Variants in PRKG1 observed in about 807,000 individuals in gnomAD.
The protein encoded by PRKG1 is protein kinase cGMP-dependent 1, also known as cGMP-dependent protein kinase 1.
PRKG1 carries 35 observed loss-of-function variants against 88.1 expected under a neutral mutation model. The ratio of observed to expected loss-of-function variants is 0.40; its 90% CI spans 0.30 to 0.53. The LOEUF is 0.53. Among genes scored for constraint, PRKG1 ranks in the 20% least tolerant of loss-of-function variants. PRKG1 has a pLI of 0.59. For synonymous variants in PRKG1, 303 were observed against 292.5 expected (o/e 1.04, Z -0.37); for missense variants, 540 against 839.8 (o/e 0.64, Z 4.41).
intron 3 of PRKG1, among the ~76,000 whole-genome samples, chr10:51,505,185 T>C (rs1248178773): frequency 2.0e-5 from 3 of 152,166 alleles, no homozygotes. Flanking sequence ...GCATGAAGGG[T>C]TGTTGAATTT....
chr10:51,888,413 C>T (rs1841627702), intron 4 of PRKG1, among the ~76,000 whole-genome samples: 1 of 152,206 alleles, frequency 6.6e-6, no homozygotes, highest in Non-Finnish European at 1.5e-5. Context: ...TCATACTGTA[C>T]TGTGACACAT....
intron 5 of PRKG1, among the ~76,000 whole-genome samples, chr10:51,970,689 A>G (rs1459047020): frequency 6.8e-6 from 1 of 146,408 alleles, no homozygotes; most frequent in Middle Eastern, 3.3e-3. Context: ...ATCATCTGAT[A>G]TATATATCAG....
chr10:51,271,206 G>C (rs988356854), intron 2 of PRKG1, among the ~76,000 whole-genome samples: 2 of 151,918 alleles, frequency 1.3e-5, no homozygotes, highest in South Asian at 4.1e-4. Flanking sequence ...TGGTTGGGGG[G>C]GAGTAAAAAA....
At chr10:51,701,142 T>G (rs945573794) in intron 3 of PRKG1, among the ~76,000 whole-genome samples, 2 of 152,242 alleles carry the variant, frequency 1.3e-5, no homozygotes, top group African/African-American at 4.8e-5. Context: ...TTTACTTTTT[T>G]AAATGTGGCT....
chr10:51,104,660 C>CA (rs1301857062), intron 1 of PRKG1, among the ~76,000 whole-genome samples: 3 of 151,864 alleles, frequency 2.0e-5, no homozygotes, highest in Non-Finnish European at 4.4e-5. Context: ...GCTGTGATTA[C>CA]AGGGGGCGCT....
At chr10:51,214,761 A>G (rs1838326437) in intron 2 of PRKG1, among the ~76,000 whole-genome samples, 2 of 152,226 alleles carry the variant, frequency 1.3e-5, no homozygotes, top group South Asian at 4.2e-4. Flanking sequence ...ACAGGTTTGA[A>G]CCACCACAAT....
chr10:51,083,096 T>C (rs1461618494), intron 1 of PRKG1, among the ~76,000 whole-genome samples: 1 of 152,182 alleles, frequency 6.6e-6, no homozygotes, highest in Non-Finnish European at 1.5e-5. Context: ...GCAACCCAAG[T>C]CCCTGGCTTG....
At chr10:51,425,838 T>C (rs774673952) in intron 2 of PRKG1, among the ~76,000 whole-genome samples, 2 of 152,228 alleles carry the variant, frequency 1.3e-5, no homozygotes, top group Non-Finnish European at 2.9e-5. Flanking sequence ...CTTCCAGCCA[T>C]ACATATGTCA....
intron 3 of PRKG1, among the ~76,000 whole-genome samples, chr10:51,474,107 A>G (rs1024092719): frequency 2.0e-5 from 3 of 151,982 alleles, no homozygotes; most frequent in Non-Finnish European, 4.4e-5. Flanking sequence ...GACTGTGAAC[A>G]ACACATGAGG....
chr10:51,750,565 C>T (rs1002344088), intron 3 of PRKG1, among the ~76,000 whole-genome samples: 1 of 152,260 alleles, frequency 6.6e-6, no homozygotes, highest in Non-Finnish European at 1.5e-5. Flanking sequence ...TGCTATTAGG[C>T]GTTTACTGTT....
At chr10:51,134,900 A>G (rs1845653151) in intron 1 of PRKG1, among the ~76,000 whole-genome samples, 2 of 152,202 alleles carry the variant, frequency 1.3e-5, no homozygotes, top group Non-Finnish European at 2.9e-5. Flanking sequence ...AAACCAGTGT[A>G]TATACAGCCC....
At chr10:51,723,723 T>C (rs1337595640) in intron 3 of PRKG1, among the ~76,000 whole-genome samples, 2 of 152,078 alleles carry the variant, frequency 1.3e-5, no homozygotes, top group African/African-American at 4.8e-5. Context: ...ATATTTAACA[T>C]AAAAAATCCT....
At chr10:51,143,586 A>G (rs1845873240) in intron 1 of PRKG1, among the ~76,000 whole-genome samples, 1 of 152,050 alleles carries the variant, frequency 6.6e-6, no homozygotes, top group Non-Finnish European at 1.5e-5. Context: ...TTATATTCTC[A>G]CCAACAGTGT....
chr10:51,392,115 A>G (rs1837418497), intron 2 of PRKG1, among the ~76,000 whole-genome samples: 1 of 152,076 alleles, frequency 6.6e-6, no homozygotes, highest in South Asian at 2.1e-4. Flanking sequence ...GGTTCTATGA[A>G]CAGAATTTTT....
chr10:51,390,857 C>T lies in PRKG1; in HGVS notation c.479-76866C>T, dbSNP rs1326800966. Among the ~76,000 whole-genome samples, 3 of 149,816 alleles carry T rather than the reference C, an allele frequency of 2.0e-5. 1 individual carries two copies. In the East Asian group the frequency reaches 5.8e-4, roughly 29 times the overall value. On this transcript the variant is annotated intron_variant, in intron 2 of 17. Transcript: ENST00000373980. ...ATTACTGTTACCTACAGGGTAGAGG[C>T]CATGGATGGTGCTAAACATCCAACA...
In PRKG1 at chr10:51,365,914, C is replaced by T. The variant is rs971070; in HGVS notation, c.479-101809C>T. Among the ~76,000 whole-genome samples, 2,952 of 149,752 alleles carry T rather than the reference C, an allele frequency of 0.02. 184 individuals are homozygous for T. The East Asian group carries it at 0.23, about 11-fold the overall frequency. On this transcript the variant is annotated intron_variant, in intron 2 of 17. Transcript: ENST00000373980. ...CTTTTTTTTCCTCTCCATCACTATACGAAAAAAAAAATTGCTGTGTAAAAG... is the reference window on the plus strand; with the variant it reads ...CTTTTTTTTCCTCTCCATCACTATATGAAAAAAAAAATTGCTGTGTAAAAG...
intron 2 of PRKG1, among the ~76,000 whole-genome samples, chr10:51,322,108 A>G (rs1385226388): frequency 2.0e-5 from 3 of 152,102 alleles, no homozygotes; most frequent in African/African-American, 4.8e-5. Context: ...GGATTGTGCA[A>G]TTTCCACCTT....
At chr10:51,831,545 CA>C (rs1564665666) in intron 4 of PRKG1, among the ~76,000 whole-genome samples, 4 of 152,252 alleles carry the variant, frequency 2.6e-5, no homozygotes, top group Non-Finnish European at 5.9e-5. Flanking sequence ...GGTAGAAAGA[CA>C]ACCCAGACCT....
chr10:52,055,628 A>G (rs1264438415), intron 6 of PRKG1, among the ~76,000 whole-genome samples: 1 of 152,180 alleles, frequency 6.6e-6, no homozygotes, highest in Non-Finnish European at 1.5e-5. Flanking sequence ...TTGTGTCATT[A>G]TATGATAACC....
Sources: allele counts gnomAD v4.1 joint callset (sites outside exome capture counted in the v4.1 genomes callset), GRCh38; gene constraint gnomAD v4.1.1; transcripts MANE v1.5; gene names NCBI Gene and HGNC (gene_info 2026-07-23, HGNC 2026-07-21).